The following ANKS1B variants were observed in gnomAD, a reference collection of about 807,000 sequenced individuals.
The protein encoded by ANKS1B is ankyrin repeat and sterile alpha motif domain containing 1B.
In ANKS1B, 36 loss-of-function variants were observed where a neutral mutation model predicts 148.3. The observed-to-expected ratio is 0.24, with a 90% confidence interval of 0.19 to 0.32. The LOEUF (loss-of-function observed/expected upper bound fraction) is 0.32, where lower values mean the gene tolerates loss of function less well. Among genes scored for constraint, ANKS1B ranks in the 10% least tolerant of loss-of-function variants. ANKS1B has a pLI of 1.00. For synonymous variants in ANKS1B, 542 were observed against 560.8 expected, an observed-to-expected ratio of 0.97 and a Z score of 0.47; for missense variants, 1,157 against 1,542.6, an observed-to-expected ratio of 0.75 and a Z score of 4.19.
chr12:98,914,110 G>T (rs892832981), intron 17 of ANKS1B, among the ~76,000 whole-genome samples: 3 of 152,112 alleles, frequency 2.0e-5, no homozygotes, highest in African/African-American at 7.2e-5. Context: ...GAGGTGTTTG[G>T]ATCATGGCGG....
chr12:99,227,754 A>G (rs1347643717), intron 14 of ANKS1B, among the ~76,000 whole-genome samples: 1 of 152,222 alleles, frequency 6.6e-6, no homozygotes, highest in African/African-American at 2.4e-5. Flanking sequence ...TGTATCACTA[A>G]TGAGCACATA....
chr12:99,256,681 C>T (rs2075297932), intron 12 of ANKS1B, among the ~76,000 whole-genome samples: 1 of 152,006 alleles, frequency 6.6e-6, no homozygotes, highest in African/African-American at 2.4e-5. Context: ...GAAATTATTC[C>T]ACTTTTTTGT....
At chr12:99,604,632 T>C (rs1909825) in intron 9 of ANKS1B, among the ~76,000 whole-genome samples, 33,541 of 151,522 alleles carry the variant, frequency 0.22, 4,029 homozygotes, top group Admixed American at 0.29. Flanking sequence ...CTGACCAACA[T>C]GGTGAAACCC....
intron 12 of ANKS1B, among the ~76,000 whole-genome samples, chr12:99,307,366 G>A (rs565213580): frequency 2.0e-5 from 3 of 152,122 alleles, no homozygotes; most frequent in African/African-American, 7.2e-5. Flanking sequence ...AAAATGGCTT[G>A]ACACTGGAAT....
At chr12:98,888,580 A>T (rs576638243) in intron 17 of ANKS1B, among the ~76,000 whole-genome samples, 1 of 152,342 alleles carries the variant, frequency 6.6e-6, no homozygotes, top group East Asian at 1.9e-4. Flanking sequence ...GCTGACCGGG[A>T]TTCAGTCACG....
intron 17 of ANKS1B, among the ~76,000 whole-genome samples, chr12:98,859,577 A>G (rs114022655): frequency 0.011 from 1,730 of 152,370 alleles, 31 homozygotes; most frequent in African/African-American, 0.04. Flanking sequence ...TTAGATTGAG[A>G]ATTTTATCAG....
intron 9 of ANKS1B, among the ~76,000 whole-genome samples, chr12:99,513,817 C>T (rs1401855979): frequency 2.0e-5 from 3 of 152,014 alleles, no homozygotes; most frequent in African/African-American, 7.2e-5. Context: ...TTCTTTGTCT[C>T]CAGTCCTGCC....
intron 1 of ANKS1B, among the ~76,000 whole-genome samples, chr12:99,839,680 C>T: frequency 6.6e-6 from 1 of 152,136 alleles, no homozygotes; most frequent in African/African-American, 2.4e-5. Flanking sequence ...ATCCTCATAG[C>T]AACGCTATCA....
At chr12:99,343,182 A>G (rs10860422) in intron 12 of ANKS1B, among the ~76,000 whole-genome samples, 48,341 of 151,834 alleles carry the variant, frequency 0.32, 8,670 homozygotes, top group East Asian at 0.5. Context: ...AAGTCTACCA[A>G]TAAAATGTGT....
intron 8 of ANKS1B, among the ~76,000 whole-genome samples, chr12:99,734,056 A>G (rs1390780125): frequency 6.6e-6 from 1 of 152,158 alleles, no homozygotes; most frequent in South Asian, 2.1e-4. Flanking sequence ...CCTAATTTCA[A>G]TATCACTCCT....
intron 17 of ANKS1B, among the ~76,000 whole-genome samples, chr12:98,924,522 C>T (rs1232094310): frequency 1.3e-5 from 2 of 151,966 alleles, no homozygotes; most frequent in African/African-American, 4.8e-5. Context: ...TCCCCCAAGC[C>T]ACCCTCTGTC....
At chr12:99,383,849 CAAAAAA>C (rs1160915276) in intron 12 of ANKS1B, among the ~76,000 whole-genome samples, 3 of 77,834 alleles carry the variant, frequency 3.9e-5, no homozygotes, top group African/African-American at 1.4e-4. Context: ...CCCATCTCTA[CAAAAAA>C]AAAAAAAAAA....
chr12:99,289,107 G>A (rs2079550733), intron 12 of ANKS1B, among the ~76,000 whole-genome samples: 1 of 151,928 alleles, frequency 6.6e-6, no homozygotes, highest in South Asian at 2.1e-4. Flanking sequence ...CAAAAAAAGG[G>A]CAGGAGTAGC....
intron 12 of ANKS1B, among the ~76,000 whole-genome samples, chr12:99,369,170 A>G (rs113443306): frequency 0.016 from 2,468 of 152,288 alleles, 20 homozygotes; most frequent in Middle Eastern, 0.048. Context: ...GCGAAGCCTG[A>G]TATTTTATGC....
At chr12:99,539,431 A>C (rs2097104234) in intron 9 of ANKS1B, among the ~76,000 whole-genome samples, 1 of 152,182 alleles carries the variant, frequency 6.6e-6, no homozygotes, top group Non-Finnish European at 1.5e-5. Context: ...AAAATAGATT[A>C]TTTTAAGTTA....
At chr12:99,572,292 T>A (rs1311147593) in intron 9 of ANKS1B, among the ~76,000 whole-genome samples, 1 of 152,090 alleles carries the variant, frequency 6.6e-6, no homozygotes, top group Non-Finnish European at 1.5e-5. Context: ...AAATTTAAAA[T>A]TTTTTTCTAA....
chr12:99,703,626 G>A (rs1294651355), intron 8 of ANKS1B, among the ~76,000 whole-genome samples: 2 of 151,960 alleles, frequency 1.3e-5, no homozygotes, highest in Non-Finnish European at 2.9e-5. Context: ...TGAAGTCATT[G>A]TGAATCCTGT....
chr12:99,408,747 G>A (rs1475395219), intron 11 of ANKS1B, among the ~76,000 whole-genome samples: 1 of 146,000 alleles, frequency 6.8e-6, no homozygotes, highest in African/African-American at 2.6e-5. Flanking sequence ...TATGAGAAAA[G>A]GTGTTCAATA....
intron 17 of ANKS1B, among the ~76,000 whole-genome samples, chr12:99,004,554 C>T (rs2099934995): frequency 6.6e-6 from 1 of 152,026 alleles, no homozygotes; most frequent in African/African-American, 2.4e-5. Flanking sequence ...CCAAGGCAAC[C>T]CAAGATAACT....
Sources: gnomAD v4.1 joint callset for allele counts (sites outside exome capture counted in the v4.1 genomes callset) on GRCh38, gnomAD v4.1.1 for gene constraint, MANE v1.5 for transcripts, NCBI Gene and HGNC (gene_info 2026-07-23, HGNC 2026-07-21) for gene names.